TWIST2: variants seen among roughly 807,000 people sequenced by gnomAD.
The protein encoded by TWIST2 is twist-related protein 2.
A neutral mutation model predicts 11.6 loss-of-function variants in TWIST2; 1 was observed. The ratio of observed to expected loss-of-function variants is 0.09; its 90% confidence interval spans 0.03 to 0.41. The LOEUF is 0.41. TWIST2 is among the 10% of genes least tolerant of loss of function. TWIST2 has a pLI of 0.98. For synonymous variants in TWIST2, 87 were observed against 96.6 expected (o/e 0.90, Z 0.58); for missense variants, 168 against 226.4 (o/e 0.74, Z 1.66).
At chr2:238,903,011 T>A in intron 1 of TWIST2, among the ~76,000 whole-genome samples, 1 of 6,008 alleles carries the variant, frequency 1.7e-4, no homozygotes, top group Admixed American at 2.3e-3. Flanking sequence ...TGATGTGAGG[T>A]GTGTGTGATG....
At position 238,896,917 on chromosome 2, in the gene TWIST2, ACTGCTTCCATTT is replaced by A. The variant is rs1329756756; in HGVS notation, c.*36-12924_*36-12913del. On this transcript the variant is annotated intron_variant, in intron 1 of 1. Coordinates refer to ENST00000612363, the MANE Select transcript of TWIST2 (RefSeq NM_001271893.4). ...CAAGGGGGTCCTGCCTGTAACAGTCACTGCTTCCATTTGGAGAAAAGTAGGCACACCCCAGGG... is the reference window on the plus strand; with the variant it reads ...CAAGGGGGTCCTGCCTGTAACAGTCAGGAGAAAAGTAGGCACACCCCAGGG... Among the ~76,000 whole-genome samples the A allele has an allele frequency of 2.6e-5, 4 of 152,340 alleles. No homozygotes were observed. In the East Asian group the frequency reaches 7.7e-4, roughly 29 times the overall value.
chr2:238,906,687 C>T (rs1693360544), intron 1 of TWIST2, among the ~76,000 whole-genome samples: 1 of 152,168 alleles, frequency 6.6e-6, no homozygotes, highest in South Asian at 2.1e-4. Context: ...CCGAGCACCA[C>T]GTCACCCGTC....
intron 1 of TWIST2, among the ~76,000 whole-genome samples, chr2:238,871,156 A>ACACACCCCACACACAC (rs1692686522): frequency 3.0e-4 from 3 of 9,842 alleles, no homozygotes; most frequent in African/African-American, 4.4e-4. Context: ...CACACACACC[A>ACACACCCCACACACAC]CACACCCCAC....
At chr2:238,901,981 C>A (rs1046274658) in intron 1 of TWIST2, among the ~76,000 whole-genome samples, 13 of 152,070 alleles carry the variant, frequency 8.5e-5, no homozygotes, top group Non-Finnish European at 1.6e-4. Flanking sequence ...CCTGTGGAGG[C>A]AAAGCCTCCT....
At chr2:238,870,630 A>AC (rs373530347) in intron 1 of TWIST2, among the ~76,000 whole-genome samples, 1 of 22,940 alleles carries the variant, frequency 4.4e-5, no homozygotes, top group Non-Finnish European at 7.4e-5. Context: ...CACAAACCAC[A>AC]CCCCCCCACA....
At chr2:238,885,968 C>T (rs1235278981) in intron 1 of TWIST2, among the ~76,000 whole-genome samples, 4 of 151,994 alleles carry the variant, frequency 2.6e-5, no homozygotes, top group East Asian at 1.9e-4. Flanking sequence ...TGGTGGCAGA[C>T]GCCTGTAATC....
rs1337183094 is a variant in TWIST2 at position 238,910,108 on chromosome 2, G to A, written c.*302G>A. The A allele has an allele frequency of 1.3e-5, 2 of 152,058 alleles. No homozygotes were observed. Among genetic ancestry groups the A allele is most frequent in the Admixed American group, 1.3e-4 (2 of 15,278 alleles). 9.4% of individuals were successfully genotyped at this position (152,058 alleles called of 1,614,324 possible). ...GATTTTTCTTCTGGGTCTTATGTTT[G>A]GGGGGAGGTTTATTCTTTCTGAAAA... On this transcript the variant is annotated 3_prime_UTR_variant, in exon 2 of 2. Coordinates refer to ENST00000612363, the MANE Select transcript of TWIST2 (RefSeq NM_001271893.4).
chr2:238,894,799 G>C (rs1249779299), intron 1 of TWIST2, among the ~76,000 whole-genome samples: 1 of 152,096 alleles, frequency 6.6e-6, no homozygotes, highest in Non-Finnish European at 1.5e-5. Flanking sequence ...ATTCTGTGAC[G>C]AGCTCTCCAA....
chr2:238,874,171 T>C (rs1470389928), intron 1 of TWIST2, among the ~76,000 whole-genome samples: 1 of 152,078 alleles, frequency 6.6e-6, no homozygotes, highest in African/African-American at 2.4e-5. Flanking sequence ...TCCTGAGAAT[T>C]TGGGGACCAG....
Position 238,848,151 on chromosome 2 carries a change from G to A in TWIST2, c.-65G>A. Reference sequence around the variant, plus strand: ...GAGAGCGTGTGCTCGGCGACCGCGGGCTTGGCCAGCGGCGCGCGCTCGGCG... The same window carrying A: ...GAGAGCGTGTGCTCGGCGACCGCGGACTTGGCCAGCGGCGCGCGCTCGGCG... On this transcript the variant is annotated 5_prime_UTR_variant, in exon 1 of 2. Transcript: ENST00000612363. 1 of 1,165,308 alleles carries A rather than the reference G, an allele frequency of 8.6e-7. No homozygotes were observed. The highest frequency in any genetic ancestry group is 1.1e-6 in the Non-Finnish European group (1 of 945,046). The allele number at this position is 1,165,308 out of a possible 1,614,324, so 72.2% of individuals were successfully genotyped here. A position where few individuals can be genotyped will look rare whatever the true frequency, so the allele number is the denominator to read the frequency against.
intron 1 of TWIST2, among the ~76,000 whole-genome samples, chr2:238,882,593 C>T (rs928463341): frequency 6.6e-6 from 1 of 152,000 alleles, no homozygotes; most frequent in Non-Finnish European, 1.5e-5. Flanking sequence ...AAGGCAGCAC[C>T]GACTCACACT....
intron 1 of TWIST2, among the ~76,000 whole-genome samples, chr2:238,879,774 C>T (rs1692873176): frequency 6.6e-6 from 1 of 152,228 alleles, no homozygotes; most frequent in Non-Finnish European, 1.5e-5. Context: ...TTCCCTGGAC[C>T]TGCAGAAGGG....
chr2:238,893,242 A>C (rs67025205), intron 1 of TWIST2, among the ~76,000 whole-genome samples: 111,433 of 152,090 alleles, frequency 0.73, 41,574 homozygotes, highest in Non-Finnish European at 0.8. Context: ...GGCATTTGAA[A>C]AAAAGACTGC....
intron 1 of TWIST2, among the ~76,000 whole-genome samples, chr2:238,907,723 CAA>C (rs1693376964): frequency 6.7e-6 from 1 of 149,510 alleles, no homozygotes; most frequent in Non-Finnish European, 1.5e-5. Context: ...AATACACACA[CAA>C]ACACACACAT....
At chr2:238,872,788 A>G (rs2106360683) in intron 1 of TWIST2, among the ~76,000 whole-genome samples, 1 of 152,322 alleles carries the variant, frequency 6.6e-6, no homozygotes, top group African/African-American at 2.4e-5. Flanking sequence ...CTGCAGATGG[A>G]AAGTCTGGAG....
intron 1 of TWIST2, among the ~76,000 whole-genome samples, chr2:238,899,302 G>A (rs1693242334): frequency 6.6e-6 from 1 of 152,244 alleles, no homozygotes; most frequent in African/African-American, 2.4e-5. Context: ...AGACCCAGTT[G>A]GGGAAGAAAA....
chr2:238,848,426 G>A lies in TWIST2; in HGVS notation c.211G>A (p.Ala71Thr), dbSNP rs1276062378. 2 of 1,542,582 alleles carry A rather than the reference G, an allele frequency of 1.3e-6. No homozygotes were observed. The highest frequency in any genetic ancestry group is 1.7e-6 in the Non-Finnish European group (2 of 1,148,632). The stretch of plus-strand genomic sequence containing the variant: ...GGAGCTGCAGAGCCAGCGCATCCTG[G>A]CCAACGTGCGCGAGCGCCAGCGCAC... ...FEELQSQRIL[A>T]NVRERQRTQS... is the part of the protein sequence containing the mutation. The change falls in exon 1 of 2, where the codon GCC becomes ACC. Residue 71 changes from alanine to threonine, a missense_variant. By Grantham distance (58) the Ala-to-Thr change is moderately conservative. This residue lies in a region of TWIST2 where 23 missense variants were observed against 58.5 expected (regional missense o/e 0.39). Transcript: ENST00000612363.
chr2:238,878,025 G>A (rs1011608081), intron 1 of TWIST2, among the ~76,000 whole-genome samples: 1 of 152,200 alleles, frequency 6.6e-6, no homozygotes, highest in Non-Finnish European at 1.5e-5. Flanking sequence ...ACAGGGTAAA[G>A]GAGACAATGG....
chr2:238,907,496 C>G (rs1196539892), intron 1 of TWIST2, among the ~76,000 whole-genome samples: 2 of 152,106 alleles, frequency 1.3e-5, no homozygotes, highest in African/African-American at 4.8e-5. Flanking sequence ...GCTCCCGGGA[C>G]AGCTGGTTGC....
Sources: allele counts gnomAD v4.1 joint callset (sites outside exome capture counted in the v4.1 genomes callset), GRCh38; gene constraint gnomAD v4.1.1; regional missense constraint gnomAD v4.1.1; transcripts MANE v1.5; gene names NCBI Gene and HGNC (gene_info 2026-07-23, HGNC 2026-07-21).